The following ITGA2 variants were observed in gnomAD, a reference collection of about 807,000 sequenced individuals.
ITGA2 encodes the protein integrin alpha-2.
ITGA2 carries 101 observed loss-of-function variants against 146.3 expected under a neutral mutation model. The observed-to-expected ratio is 0.69, with a 90% CI of 0.59 to 0.81. The LOEUF (loss-of-function observed/expected upper bound fraction) is 0.81. Ranked by LOEUF, ITGA2 falls within the 40% of genes least tolerant of loss-of-function variation. The pLI is 0.00. For synonymous variants in ITGA2, 477 were observed against 487.1 expected, an observed-to-expected ratio of 0.98 and a Z score of 0.27; for missense variants, 1,281 against 1,402.7, an observed-to-expected ratio of 0.91 and a Z score of 1.39.
intron 1 of ITGA2, among the ~76,000 whole-genome samples, chr5:53,010,163 G>A (rs944237699): frequency 3.3e-5 from 5 of 152,112 alleles, no homozygotes; most frequent in African/African-American, 9.7e-5. Context: ...GAGCTCTTTT[G>A]TTTAGTGGCA....
At chr5:53,033,611 A>T (rs10068849) in intron 2 of ITGA2, among the ~76,000 whole-genome samples, 93,928 of 151,578 alleles carry the variant, frequency 0.62, 29,418 homozygotes, top group South Asian at 0.68. Context: ...TTAATTAATT[A>T]ATTTGAGACA....
chr5:53,042,834 T>G (rs3926397), intron 3 of ITGA2, among the ~76,000 whole-genome samples: 41,530 of 151,708 alleles, frequency 0.27, 5,706 homozygotes, highest in Admixed American at 0.32. Flanking sequence ...CATTACATCA[T>G]CAGCAGCAGC....
intron 10 of ITGA2, 76 bp from the exon 11 acceptor site, chr5:53,059,798 A>G: frequency 7.6e-7 from 1 of 1,308,300 alleles, no homozygotes; most frequent in Non-Finnish European, 1.1e-6. Context: ...AACTTATTTC[A>G]ATGTTTTGCC....
At chr5:53,071,540 C>G (rs575790986) in intron 17 of ITGA2, among the ~76,000 whole-genome samples, 112 of 151,886 alleles carry the variant, frequency 7.4e-4, no homozygotes, top group African/African-American at 2.6e-3. Context: ...GGGAGGCCCC[C>G]AAGAGTTAAG....
intron 16 of ITGA2, among the ~76,000 whole-genome samples, chr5:53,069,676 A>G (rs1314123438): frequency 1.3e-5 from 2 of 151,948 alleles, no homozygotes; most frequent in African/African-American, 4.8e-5. Context: ...AATAAAATTC[A>G]CTTTCCAGAT....
chr5:53,039,691 G>A (rs1743682687), intron 2 of ITGA2, among the ~76,000 whole-genome samples: 1 of 124,720 alleles, frequency 8.0e-6, no homozygotes, highest in South Asian at 2.7e-4. Flanking sequence ...AGTGAACCAA[G>A]ATGGTGCCAC....
intron 26 of ITGA2, among the ~76,000 whole-genome samples, chr5:53,082,511 A>G (rs1747314343): frequency 1.3e-5 from 2 of 152,180 alleles, no homozygotes; most frequent in African/African-American, 4.8e-5. Context: ...TAGATTTTCA[A>G]TTAATGACTT....
intron 1 of ITGA2, among the ~76,000 whole-genome samples, chr5:52,995,390 T>C (rs1258709659): frequency 6.6e-6 from 1 of 152,124 alleles, no homozygotes; most frequent in Non-Finnish European, 1.5e-5. Flanking sequence ...TGTGAGATGA[T>C]GGTGGTAAAA....
chr5:53,054,518 G>A (rs1327928923), intron 7 of ITGA2, among the ~76,000 whole-genome samples: 1 of 152,004 alleles, frequency 6.6e-6, no homozygotes, highest in Non-Finnish European at 1.5e-5. Context: ...TATATACACA[G>A]GGATATTTAT....
chr5:53,055,961 C>A lies in ITGA2; in HGVS notation c.931-23C>A, dbSNP rs779763371. The A allele has an allele frequency of 5.0e-6, 8 of 1,603,272 alleles. No individual in the cohort carries two copies. The Admixed American group carries it at 1.3e-4, about 27-fold the overall frequency. On this transcript the variant is annotated intron_variant, in intron 8 of 29. Coordinates refer to ENST00000296585, the MANE Select transcript of ITGA2 (RefSeq NM_002203.4). ...AAAATGTACAGCAGTAATGACTGCA[C>A]ATTCTCTTCCTCTATTTTCAAGGTT...
At chr5:53,056,287 GA>G in intron 9 of ITGA2, 138 bp downstream of exon 9, 3 of 654,942 alleles carry the variant, frequency 4.6e-6, no homozygotes, top group Non-Finnish European at 7.8e-6. Context: ...AGAAATGGAT[GA>G]AAAACATGAA....
chr5:53,086,350 A>C (rs1302791485), intron 27 of ITGA2, among the ~76,000 whole-genome samples: 1 of 152,222 alleles, frequency 6.6e-6, no homozygotes, highest in Non-Finnish European at 1.5e-5. Context: ...AAACACTTAG[A>C]TAGGAAATCT....
Position 53,078,820 on chromosome 5 carries a change from T to C in ITGA2, c.2874T>C (p.Pro958=). The C allele has an allele frequency of 6.2e-7, 1 of 1,612,230 alleles. No individual in the cohort carries two copies. The highest frequency in any genetic ancestry group is 1.1e-5 in the South Asian group (1 of 91,022). Residue 958 remains proline (P), a synonymous_variant, in exon 24 of 30, where the codon CCT becomes CCC. Coordinates refer to ENST00000296585, the MANE Select transcript of ITGA2 (RefSeq NM_002203.4). ...FYEISSDGNV[P]SIVHSFEDVG... ...AAATCTCTTCGGATGGGAATGTTCCTTCAATCGTGCACAGTTTTGAAGATG... is the reference window on the plus strand; with the variant it reads ...AAATCTCTTCGGATGGGAATGTTCCCTCAATCGTGCACAGTTTTGAAGATG...
At chr5:53,071,211 C>T (rs1333167950) in intron 17 of ITGA2, among the ~76,000 whole-genome samples, 2 of 151,754 alleles carry the variant, frequency 1.3e-5, no homozygotes, top group Non-Finnish European at 2.9e-5. Flanking sequence ...TTTGTGAAGA[C>T]GTAGACTTCT....
At position 53,042,446 on chromosome 5, in the gene ITGA2, T is replaced by C. The variant is rs1316250; in HGVS notation, c.295+225T>C. On this transcript the variant is annotated intron_variant, in intron 3 of 29. Transcript: ENST00000296585. ...TGCTATCTCCTGGACCATTTACCTA[T>C]AGACCATGGACTGGTTTCCATCAAC... Among the ~76,000 whole-genome samples the C allele has an allele frequency of 0.27, 41,749 of 152,034 alleles. 5,807 individuals are homozygous for C. Among genetic ancestry groups the C allele is most frequent in the Admixed American group, 0.32 (4,913 of 15,268 alleles).
At chr5:53,028,357 A>AC (rs1743052990) in intron 2 of ITGA2, among the ~76,000 whole-genome samples, 1 of 152,218 alleles carries the variant, frequency 6.6e-6, no homozygotes, top group African/African-American at 2.4e-5. Context: ...GGAGACTTAG[A>AC]AAACAATGCA....
chr5:53,062,741 T>C (rs769698908), intron 12 of ITGA2, 45 bp from the exon 13 acceptor site: 1 of 1,585,590 alleles, frequency 6.3e-7, no homozygotes, highest in South Asian at 1.1e-5. Context: ...ATTAGAAGTA[T>C]ATGAATCCTA....
At chr5:53,008,838 C>T (rs940250978) in intron 1 of ITGA2, among the ~76,000 whole-genome samples, 11 of 151,946 alleles carry the variant, frequency 7.2e-5, no homozygotes, top group Non-Finnish European at 2.9e-5. Flanking sequence ...TGATTTTGAC[C>T]CTAGGTACAG....
At chr5:53,001,121 C>T (rs1180366154) in intron 1 of ITGA2, among the ~76,000 whole-genome samples, 4 of 151,800 alleles carry the variant, frequency 2.6e-5, no homozygotes, top group African/African-American at 7.3e-5. Context: ...AGGCTGGTCT[C>T]GAACTCCTGA....
Sources: gnomAD v4.1 joint callset for allele counts (sites outside exome capture counted in the v4.1 genomes callset) on GRCh38, gnomAD v4.1.1 for gene constraint, MANE v1.5 for transcripts, NCBI Gene and HGNC (gene_info 2026-07-23, HGNC 2026-07-21) for gene names.